Variants in MYO1E observed in about 807,000 individuals in gnomAD.
The protein encoded by MYO1E is myosin IE, also known as unconventional myosin-Ie.
In MYO1E, 68 loss-of-function variants were observed where a neutral mutation model predicts 151.1. That is an observed-to-expected ratio of 0.45 (90% CI 0.37 to 0.55). The LOEUF is 0.55. Ranked by LOEUF, MYO1E falls within the 20% of genes least tolerant of loss-of-function variation. MYO1E has a pLI of 0.00. For missense variants in MYO1E, 1,363 were observed against 1,389.3 expected, an observed-to-expected ratio of 0.98 and a Z score of 0.30; for synonymous variants, 601 against 501.7, an observed-to-expected ratio of 1.20 and a Z score of -2.64.
In MYO1E at chr15:59,210,596, T is replaced by C. The variant is rs2079872974; in HGVS notation, c.1280A>G (p.Glu427Gly). 6 of 1,590,138 alleles carry C rather than the reference T, an allele frequency of 3.8e-6. No homozygotes were observed. In the South Asian group the frequency reaches 4.4e-5, roughly 12 times the overall value. The change falls in exon 13 of 28, where the codon GAA becomes GGA. Residue 427 changes from glutamate to glycine, a missense_variant. Coordinates refer to ENST00000288235, the MANE Select transcript of MYO1E (RefSeq NM_004998.4). ...IELTLKAEQE[E>G]YVQEGIRWTP... ...CCATCTTATTCCCTCTTGAACATAT[T>C]CTTCCTGTAACACAGAGACAAGGAA...
rs199582846 is a variant in MYO1E at position 59,216,691 on chromosome 15, T to TACACACAC, written c.1107+1192_1107+1199dup. On this transcript the variant is annotated intron_variant, in intron 10 of 27. Transcript: ENST00000288235. ...GTATATATATATATATATATACACA[T>TACACACAC]ACACACACACACACACACACACACA... Among the ~76,000 whole-genome samples the TACACACAC allele has an allele frequency of 9.9e-3, 561 of 56,478 alleles. 10 individuals carry two copies. The highest frequency in any genetic ancestry group is 0.024 in the Admixed American group (123 of 5,210). The allele number at this position is 56,478 out of a possible 152,430, so 37.1% of individuals were successfully genotyped here. A position where few individuals can be genotyped will look rare whatever the true frequency, so the allele number is the denominator to read the frequency against.
At chr15:59,331,546 T>A (rs181750214) in intron 1 of MYO1E, among the ~76,000 whole-genome samples, 52 of 152,272 alleles carry the variant, frequency 3.4e-4, no homozygotes, top group Middle Eastern at 3.4e-3. Context: ...CTCCTAGAGA[T>A]CGCAATCAAC....
chr15:59,223,307 G>T, intron 8 of MYO1E, 116 bp from the exon 9 acceptor site: 232 of 1,056,078 alleles, frequency 2.2e-4, no homozygotes, highest in Non-Finnish European at 2.6e-4. Context: ...GTACAGACGA[G>T]TTACAAAGAA....
chr15:59,327,386 C>A (rs564468881), intron 1 of MYO1E, among the ~76,000 whole-genome samples: 1 of 151,730 alleles, frequency 6.6e-6, no homozygotes, highest in South Asian at 2.1e-4. Context: ...GAGTGCAGTG[C>A]CAGCCTCGAC....
chr15:59,239,704 T>C (rs186505206), intron 4 of MYO1E, among the ~76,000 whole-genome samples: 443 of 152,332 alleles, frequency 2.9e-3, no homozygotes, highest in Non-Finnish European at 5.0e-3. Flanking sequence ...TCAGCAACTA[T>C]GATCTTTTCC....
chr15:59,370,491 A>G (rs1361831564), intron 1 of MYO1E, among the ~76,000 whole-genome samples: 1 of 152,202 alleles, frequency 6.6e-6, no homozygotes, highest in Non-Finnish European at 1.5e-5. Flanking sequence ...GTGAATTGTG[A>G]CTTCAGCAAC....
intron 1 of MYO1E, among the ~76,000 whole-genome samples, chr15:59,354,205 AC>A (rs1310243440): frequency 6.6e-6 from 1 of 152,232 alleles, no homozygotes; most frequent in Admixed American, 6.5e-5. Context: ...AATAAACAAA[AC>A]AATTAAGCCA....
intron 4 of MYO1E, among the ~76,000 whole-genome samples, 166 bp downstream of exon 4, chr15:59,256,118 G>C (rs532332569): frequency 6.6e-6 from 1 of 152,326 alleles, no homozygotes; most frequent in South Asian, 2.1e-4. Flanking sequence ...ATTATATAGA[G>C]TTATAAATAA....
chr15:59,227,645 C>T, intron 6 of MYO1E, 55 bp from the exon 7 acceptor site: 1 of 1,599,100 alleles, frequency 6.3e-7, no homozygotes, highest in South Asian at 1.1e-5. Flanking sequence ...CATGATGTCC[C>T]AAACAGGCTT....
At chr15:59,279,126 C>A (rs2080338601) in intron 1 of MYO1E, among the ~76,000 whole-genome samples, 1 of 152,076 alleles carries the variant, frequency 6.6e-6, no homozygotes, top group African/African-American at 2.4e-5. Flanking sequence ...TCCTTTCATC[C>A]CTGAGACCTG....
intron 14 of MYO1E, chr15:59,206,613 A>C (rs2079835722): frequency 3.3e-6 from 1 of 299,730 alleles, no homozygotes; most frequent in South Asian, 6.6e-5. Flanking sequence ...TTTCCTCAGC[A>C]TTCATATTAA....
In MYO1E at chr15:59,159,091, G is replaced by A. The variant is rs1204476702; in HGVS notation, c.2786-712C>T. 4.6e-5 allele frequency among the ~76,000 whole-genome samples: 7 copies of A among 152,218 alleles called. No homozygotes were observed. Among genetic ancestry groups the A allele is most frequent in the African/African-American group, 7.2e-5 (3 of 41,444 alleles). ...AAACCAGCTGGAAGAGGGGTGCAGAGGGAATTTCTTATAAAGAGAAGAGCT... is the reference window on the plus strand; with the variant it reads ...AAACCAGCTGGAAGAGGGGTGCAGAAGGAATTTCTTATAAAGAGAAGAGCT... On this transcript the variant is annotated intron_variant, in intron 24 of 27. Transcript: ENST00000288235. The surrounding 1 kb of genome is among the most constrained non-coding windows in gnomAD (Gnocchi z 4.4).
At chr15:59,154,352 A>G (rs1051235389) in intron 25 of MYO1E, among the ~76,000 whole-genome samples, 22 of 152,224 alleles carry the variant, frequency 1.4e-4, no homozygotes, top group African/African-American at 5.3e-4. Flanking sequence ...GTGGCCACCC[A>G]GTTGGATCAG....
At chr15:59,279,111 T>G (rs2080338533) in intron 1 of MYO1E, among the ~76,000 whole-genome samples, 1 of 152,214 alleles carries the variant, frequency 6.6e-6, no homozygotes, top group African/African-American at 2.4e-5. Context: ...CACATACACG[T>G]GGTCTCCTTT....
rs1182478525 is a variant in MYO1E at position 59,372,542 on chromosome 15, C to T, written c.-42G>A. On this transcript the variant is annotated 5_prime_UTR_variant, in exon 1 of 28. Coordinates refer to ENST00000288235, the MANE Select transcript of MYO1E (RefSeq NM_004998.4). ...GTCGCGTCTTCGCCGGGTCCCGCTG[C>T]CGGGGAACTGGGGCTGGAACGCAGT... The T allele has an allele frequency of 3.3e-6, 5 of 1,535,116 alleles. No individual in the cohort carries two copies. The African/African-American group carries it at 5.5e-5, about 17-fold the overall frequency.
At chr15:59,265,329 A>G (rs1203128085) in intron 2 of MYO1E, among the ~76,000 whole-genome samples, 3 of 152,152 alleles carry the variant, frequency 2.0e-5, no homozygotes, top group African/African-American at 7.2e-5. Context: ...CCTCCCCACC[A>G]ATCCCTTGGT....
chr15:59,332,852 C>G (rs2140423977), intron 1 of MYO1E, among the ~76,000 whole-genome samples: 1 of 152,214 alleles, frequency 6.6e-6, no homozygotes, highest in South Asian at 2.1e-4. Flanking sequence ...CATGAGCCAC[C>G]ACGACCGGCC....
At chr15:59,371,574 T>G (rs533557396) in intron 1 of MYO1E, among the ~76,000 whole-genome samples, 27 of 151,890 alleles carry the variant, frequency 1.8e-4, no homozygotes, top group African/African-American at 6.5e-4. Context: ...GTAGCTGGAC[T>G]GGGGAGTTGG....
chr15:59,195,397 G>A (rs555615374), intron 17 of MYO1E, 64 bp downstream of exon 17: 4 of 1,378,700 alleles, frequency 2.9e-6, no homozygotes, highest in East Asian at 2.3e-5. Context: ...TGTGATGGAG[G>A]ACGGCTCATC....
Sources: gnomAD v4.1 joint callset for allele counts (sites outside exome capture counted in the v4.1 genomes callset) on GRCh38, gnomAD v4.1.1 for gene constraint, Gnocchi (gnomAD v3.1) non-coding constraint, MANE v1.5 for transcripts, NCBI Gene and HGNC (gene_info 2026-07-23, HGNC 2026-07-21) for gene names.